The following IPPK variants were observed in gnomAD, a reference collection of about 807,000 sequenced individuals.
IPPK encodes the protein IPK1 homolog.
A neutral mutation model predicts 64.6 loss-of-function variants in IPPK; 22 were observed. The ratio of observed to expected loss-of-function variants is 0.34; its 90% CI spans 0.24 to 0.49. The LOEUF (loss-of-function observed/expected upper bound fraction) is 0.49. Among genes scored for constraint, IPPK ranks in the 20% least tolerant of loss-of-function variants. IPPK has a pLI of 0.99. For missense variants in IPPK, 532 were observed against 630.7 expected (o/e 0.84, Z 1.68); for synonymous variants, 262 against 247.2 (o/e 1.06, Z -0.56).
chr9:92,620,015 C>T (rs12686780), intron 11 of IPPK: 36,523 of 178,062 alleles, frequency 0.21, 4,822 homozygotes, highest in East Asian at 0.65. Flanking sequence ...ACATTCCCTC[C>T]GGAACATCAT....
In IPPK at chr9:92,638,042, A is replaced by T. The variant is rs749742326; in HGVS notation, c.875T>A (p.Val292Asp). The change falls in exon 9 of 13, where the codon GTC (valine) becomes GAC (aspartate). Residue 292 changes from valine to aspartate, a missense_variant. Coordinates refer to ENST00000287996, the MANE Select transcript of IPPK (RefSeq NM_022755.6). Reference sequence around the variant, plus strand: ...CCTACTGAAAGGGCTGGCTTCGCAGACTCGCGGGCCCTGAGGCCCGAGCCC... The same window carrying T: ...CCTACTGAAAGGGCTGGCTTCGCAGTCTCGCGGGCCCTGAGGCCCGAGCCC... ...SPGLGPQGPR[V>D]CEASPFSRSL... 1.3e-6 allele frequency: 2 copies of T among 1,598,154 alleles called. No individual in the cohort carries two copies. The highest frequency in any genetic ancestry group is 1.7e-6 in the Non-Finnish European group (2 of 1,172,574).
In IPPK at chr9:92,648,170, A is replaced by G. The variant is rs769087076; in HGVS notation, c.415-22T>C. 1.0e-5 allele frequency: 16 copies of G among 1,560,818 alleles called. No individual in the cohort carries two copies. In the Admixed American group the frequency reaches 2.6e-4, roughly 25 times the overall value. On this transcript the variant is annotated intron_variant, in intron 5 of 12. Coordinates refer to ENST00000287996, the MANE Select transcript of IPPK (RefSeq NM_022755.6). ...TTGGCTGTAAAATAAACAAATAAGG[A>G]GGAAAAATATTTAGGAAGAAATCAC...
At chr9:92,640,637 C>T (rs1328511936) in intron 8 of IPPK, 73 bp downstream of exon 8, 2 of 990,864 alleles carry the variant, frequency 2.0e-6, no homozygotes, top group African/African-American at 3.2e-5. Context: ...AGCCCAACAC[C>T]CTCATCTGTG....
intron 2 of IPPK, among the ~76,000 whole-genome samples, chr9:92,657,693 G>C (rs1564040778): frequency 6.6e-6 from 1 of 152,190 alleles, no homozygotes; most frequent in African/African-American, 2.4e-5. Context: ...GAAACCGCAA[G>C]ACAGTGGGGC....
chr9:92,641,137 G>A (rs1486652164), intron 7 of IPPK, among the ~76,000 whole-genome samples: 1 of 152,210 alleles, frequency 6.6e-6, no homozygotes, highest in Non-Finnish European at 1.5e-5. Context: ...GGGCTGCTAT[G>A]CCTCCCTTGT....
At chr9:92,658,215 C>A (rs938133797) in intron 2 of IPPK, among the ~76,000 whole-genome samples, 1 of 152,234 alleles carries the variant, frequency 6.6e-6, no homozygotes, top group African/African-American at 2.4e-5. Context: ...AACCTAACGA[C>A]CCCCTCCCAC....
chr9:92,659,823 C>T (rs1287376098), intron 1 of IPPK, among the ~76,000 whole-genome samples: 1 of 152,150 alleles, frequency 6.6e-6, no homozygotes, highest in Non-Finnish European at 1.5e-5. Context: ...GCTCTTAAAT[C>T]CCAGGCACCC....
intron 11 of IPPK, among the ~76,000 whole-genome samples, chr9:92,629,411 A>G (rs555980625): frequency 6.6e-6 from 1 of 152,342 alleles, no homozygotes; most frequent in Non-Finnish European, 1.5e-5. Context: ...AGGGTCTAGT[A>G]GCCAGAATAT....
chr9:92,656,297 T>C (rs889791632), intron 3 of IPPK, among the ~76,000 whole-genome samples, 159 bp downstream of exon 3: 1 of 152,162 alleles, frequency 6.6e-6, no homozygotes, highest in Non-Finnish European at 1.5e-5. Context: ...GAAACTGCAG[T>C]ATCCACTCTG....
intron 12 of IPPK, 155 bp from the exon 13 acceptor site, chr9:92,616,212 G>A (rs1851427967): frequency 6.7e-6 from 4 of 598,144 alleles, no homozygotes; most frequent in South Asian, 6.0e-5. Context: ...TAAAAGAGAA[G>A]TGAATGGCCT....
At chr9:92,623,930 G>T (rs1422005104) in intron 11 of IPPK, among the ~76,000 whole-genome samples, 3 of 152,158 alleles carry the variant, frequency 2.0e-5, no homozygotes, top group African/African-American at 7.2e-5. Context: ...CAAAAACTAG[G>T]AACAACCCAA....
intron 11 of IPPK, among the ~76,000 whole-genome samples, chr9:92,631,035 C>T (rs1851831566): frequency 6.6e-6 from 1 of 152,096 alleles, no homozygotes; most frequent in South Asian, 2.1e-4. Context: ...GTGGCCAGGC[C>T]GGGTACCTGC....
At chr9:92,621,638 T>C (rs1170865186) in intron 11 of IPPK, among the ~76,000 whole-genome samples, 1 of 150,306 alleles carries the variant, frequency 6.7e-6, no homozygotes, top group Non-Finnish European at 1.5e-5. Context: ...TCTCAGTCTC[T>C]CAGGCAGGTA....
chr9:92,667,941 G>A (rs1852634291), intron 1 of IPPK, among the ~76,000 whole-genome samples: 1 of 151,660 alleles, frequency 6.6e-6, no homozygotes, highest in South Asian at 2.1e-4. Context: ...AGAACAGCCT[G>A]GTGGCTGTAG....
intron 7 of IPPK, among the ~76,000 whole-genome samples, 174 bp downstream of exon 7, chr9:92,642,578 G>A (rs1564034041): frequency 6.6e-6 from 1 of 152,234 alleles, no homozygotes; most frequent in Non-Finnish European, 1.5e-5. Context: ...ACAAGGCACG[G>A]AGCACAAAGC....
At chr9:92,636,683 T>G (rs1202288057) in intron 9 of IPPK, among the ~76,000 whole-genome samples, 1 of 152,062 alleles carries the variant, frequency 6.6e-6, no homozygotes, top group Non-Finnish European at 1.5e-5. Context: ...TGTGATGATA[T>G]AGATACAGAT....
intron 12 of IPPK, chr9:92,618,914 G>C: frequency 6.4e-6 from 2 of 310,678 alleles, no homozygotes; most frequent in South Asian, 5.9e-5. Flanking sequence ...CGGTGATGGA[G>C]ATGCTGTCTA....
intron 1 of IPPK, among the ~76,000 whole-genome samples, chr9:92,660,276 T>C (rs370965260): frequency 5.9e-5 from 9 of 152,292 alleles, no homozygotes; most frequent in South Asian, 4.1e-4. Context: ...CTGCTAGCGA[T>C]GTGTAAGTGT....
At chr9:92,633,336 T>C (rs542077953) in intron 11 of IPPK, among the ~76,000 whole-genome samples, 3 of 147,494 alleles carry the variant, frequency 2.0e-5, no homozygotes, top group Admixed American at 6.8e-5. Context: ...AAATGTGTAA[T>C]ATAAAATACA....
Sources: gnomAD v4.1 joint callset for allele counts (sites outside exome capture counted in the v4.1 genomes callset) on GRCh38, gnomAD v4.1.1 for gene constraint, MANE v1.5 for transcripts, NCBI Gene and HGNC (gene_info 2026-07-23, HGNC 2026-07-21) for gene names.